The following SLC25A46 variants were observed in gnomAD, a reference collection of about 807,000 sequenced individuals.
SLC25A46 encodes solute carrier family 25 member 46, also known as mitochondrial outer membrane protein SLC25A46.
Under a neutral mutation model 44.6 loss-of-function variants are expected in SLC25A46, and 39 were observed. That is an observed-to-expected ratio of 0.87 (90% confidence interval 0.68 to 1.14). The LOEUF (loss-of-function observed/expected upper bound fraction) is 1.14, where lower values mean the gene tolerates loss of function less well. Ranked by LOEUF, SLC25A46 falls within the 50% of genes most tolerant of loss-of-function variation. The pLI is 0.00. For missense variants in SLC25A46, 547 were observed against 522.7 expected (o/e 1.05, Z -0.45); for synonymous variants, 202 against 185.8 (o/e 1.09, Z -0.71).
At chr5:110,746,469 ACTAAAGTAGC>A (rs1799823454) in intron 4 of SLC25A46, 123 bp downstream of exon 4, 1 of 619,274 alleles carries the variant, frequency 1.6e-6, no homozygotes, top group African/African-American at 2.0e-5. Flanking sequence ...TTGTAGTAAA[ACTAAAGTAGC>A]ACAACGATAT....
chr5:110,746,484 C>T (rs1039300853), intron 4 of SLC25A46, 138 bp downstream of exon 4: 12 of 580,710 alleles, frequency 2.1e-5, no homozygotes, highest in Admixed American at 3.6e-5. Context: ...AGTAGCACAA[C>T]GATATGTTTT....
chr5:110,738,894 G>T, upstream of SLC25A46: 2 of 1,176,982 alleles, frequency 1.7e-6, no homozygotes, highest in Non-Finnish European at 2.3e-6. Context: ...AACTTTTAAG[G>T]TCCAGGTTAC....
intron 3 of SLC25A46, among the ~76,000 whole-genome samples, chr5:110,744,387 A>G (rs539035464): frequency 6.6e-6 from 1 of 152,352 alleles, no homozygotes; most frequent in African/African-American, 2.4e-5. Context: ...ATACTTTGTT[A>G]CATTAAAAAA....
In SLC25A46 at chr5:110,739,475, A is replaced by G. The variant is rs2150404935; in HGVS notation, c.283+73A>G. 2.0e-6 allele frequency: 3 copies of G among 1,486,448 alleles called. No homozygotes were observed. In the South Asian group the frequency reaches 3.9e-5, roughly 19 times the overall value. The allele number at this position is 1,486,448 out of a possible 1,614,324, so 92.1% of individuals were successfully genotyped here. On this transcript the variant is annotated intron_variant, in intron 1 of 7. Transcript: ENST00000355943. ...CGGCTTGCGGCCTGCAGACCCCGGA[A>G]GCGGCGCAGAGGATCCCGCCTCCTA... is the stretch of plus-strand genomic sequence containing the variant.
rs1415353951 is a variant in SLC25A46, at chr5:110,762,241, A to G, written c.*459A>G. 1 of 154,464 alleles carries G rather than the reference A, an allele frequency of 6.5e-6. No individual in the cohort carries two copies. The highest frequency in any genetic ancestry group is 2.4e-5 in the African/African-American group (1 of 41,428). The allele number at this position is 154,464 out of a possible 1,614,324, so 9.6% of individuals were successfully genotyped here. Reference sequence around the variant, plus strand: ...GAGGTTTTTACCTTTAAGCAAATAAATTATGTCATTATTGAAAAAGACTTA... The same window carrying G: ...GAGGTTTTTACCTTTAAGCAAATAAGTTATGTCATTATTGAAAAAGACTTA... On this transcript the variant is annotated 3_prime_UTR_variant, in exon 8 of 8. Coordinates refer to ENST00000355943, the MANE Select transcript of SLC25A46 (RefSeq NM_138773.4).
chr5:110,755,007 TAAGTA>T (rs760043081), intron 5 of SLC25A46: 11 of 152,812 alleles, frequency 7.2e-5, no homozygotes, highest in Non-Finnish European at 1.5e-4. Flanking sequence ...GTAATTGTAC[TAAGTA>T]AAGATAATTC....
upstream of SLC25A46, chr5:110,738,365 G>A: frequency 3.1e-6 from 2 of 649,110 alleles, no homozygotes; most frequent in South Asian, 5.8e-5. Context: ...AAAAAAATAC[G>A]ACAGAAAACT....
intron 5 of SLC25A46, among the ~76,000 whole-genome samples, chr5:110,751,211 A>G (rs1178481787): frequency 3.3e-5 from 5 of 152,334 alleles, no homozygotes; most frequent in South Asian, 2.1e-4. Flanking sequence ...AACAAAAGGT[A>G]ACTGTTGCCA....
chr5:110,744,997 A>G (rs1050440542), intron 3 of SLC25A46, among the ~76,000 whole-genome samples: 8 of 152,134 alleles, frequency 5.3e-5, no homozygotes, highest in Non-Finnish European at 1.2e-4. Flanking sequence ...TTTTCTCTCT[A>G]TGGGTAAATG....
chr5:110,739,207 G>A lies in SLC25A46; in HGVS notation c.88G>A (p.Ala30Thr), dbSNP rs145119144. Reference protein sequence around the residue: ...DEQGFGGAFPARSFSTGSDLG... With the variant: ...DEQGFGGAFPTRSFSTGSDLG... ...GCAGGGCTTTGGCGGCGCCTTCCCTGCAAGGTCCTTCAGCACCGGGTCGGA... is the reference window on the plus strand; with the variant it reads ...GCAGGGCTTTGGCGGCGCCTTCCCTACAAGGTCCTTCAGCACCGGGTCGGA... Residue 30 changes from alanine (A) to threonine (T), a missense_variant, in exon 1 of 8, where the codon GCA (alanine) becomes ACA (threonine). By Grantham distance (58) the Ala-to-Thr change is moderately conservative. Coordinates refer to ENST00000355943, the MANE Select transcript of SLC25A46 (RefSeq NM_138773.4). 3.8e-6 allele frequency: 6 copies of A among 1,567,596 alleles called. No individual in the cohort carries two copies. Among genetic ancestry groups the A allele is most frequent in the South Asian group, 3.5e-5 (3 of 85,338 alleles).
rs933521608 is a variant in SLC25A46 at position 110,739,092 on chromosome 5, G to C, written c.-28G>C. ...GCCCCGGTGGTGGTGGGCTCCGGGC[G>C]GGCTCGCGTCATCCTGCCCCCGCTG... On this transcript the variant is annotated 5_prime_UTR_variant, in exon 1 of 8. Transcript: ENST00000355943. The C allele has an allele frequency of 6.5e-7, 1 of 1,539,976 alleles. No homozygotes were observed. Among genetic ancestry groups the C allele is most frequent in the Non-Finnish European group, 8.7e-7 (1 of 1,145,572 alleles).
chr5:110,755,001 T>C (rs1050128871), intron 5 of SLC25A46: 2 of 152,660 alleles, frequency 1.3e-5, no homozygotes, highest in Non-Finnish European at 2.9e-5. Flanking sequence ...AATTATGTAA[T>C]TGTACTAAGT....
rs560523448 is a variant in SLC25A46 at position 110,739,554 on chromosome 5, C to A, written c.283+152C>A. On this transcript the variant is annotated intron_variant, in intron 1 of 7. Coordinates refer to ENST00000355943, the MANE Select transcript of SLC25A46 (RefSeq NM_138773.4). ...CCTTTGCCCTCCTTTGGTCCTCTGC[C>A]CCTGAGGCTGGCCTCCTCTTCCTCA... is the stretch of plus-strand genomic sequence containing the variant. The A allele has an allele frequency of 3.1e-4, 341 of 1,087,940 alleles. 4 individuals carry two copies. The East Asian group carries it at 9.2e-3, about 29-fold the overall frequency. 67.4% of individuals were successfully genotyped at this position (1,087,940 alleles called of 1,614,324 possible). A position where few individuals can be genotyped will look rare whatever the true frequency, so the allele number is the denominator to read the frequency against.
intron 3 of SLC25A46, 147 bp from the exon 4 acceptor site, chr5:110,746,122 T>C (rs1026792539): frequency 3.5e-5 from 22 of 635,574 alleles, no homozygotes; most frequent in Non-Finnish European, 5.7e-5. Flanking sequence ...TAAAGCACTT[T>C]TAAGAGTAAT....
intron 1 of SLC25A46, among the ~76,000 whole-genome samples, chr5:110,740,657 A>C (rs1349200376): frequency 3.3e-5 from 5 of 152,166 alleles, no homozygotes; most frequent in African/African-American, 4.8e-5. Flanking sequence ...ATCTATACAT[A>C]CAAAATGGGT....
chr5:110,743,705 A>G (rs376805530), intron 2 of SLC25A46, 25 bp from the exon 3 acceptor site: 95 of 1,409,616 alleles, frequency 6.7e-5, no homozygotes, highest in Non-Finnish European at 9.4e-5. Flanking sequence ...GTAGACATAC[A>G]TATACATAAA....
upstream of SLC25A46, chr5:110,738,181 C>A: frequency 7.9e-7 from 1 of 1,270,666 alleles, no homozygotes; most frequent in South Asian, 1.3e-5. Flanking sequence ...AGGATGAAAC[C>A]ATGGAAGTCT....
intron 5 of SLC25A46, among the ~76,000 whole-genome samples, chr5:110,752,035 C>T (rs1365763750): frequency 1.3e-5 from 2 of 152,128 alleles, no homozygotes; most frequent in Non-Finnish European, 2.9e-5. Flanking sequence ...AAAACATTAA[C>T]AGCAGTTCAC....
chr5:110,748,343 G>A (rs1048264739), intron 5 of SLC25A46, 80 bp downstream of exon 5: 5 of 1,066,054 alleles, frequency 4.7e-6, no homozygotes, highest in Non-Finnish European at 7.2e-6. Flanking sequence ...GTGCAGGCTT[G>A]TTACATGGGT....
Sources: allele counts gnomAD v4.1 joint callset (sites outside exome capture counted in the v4.1 genomes callset), GRCh38; gene constraint gnomAD v4.1.1; transcripts MANE v1.5; gene names NCBI Gene and HGNC (gene_info 2026-07-23, HGNC 2026-07-21).